SHCBP1: variants seen among roughly 807,000 people sequenced by gnomAD.
SHCBP1 encodes the protein SHC SH2 domain-binding protein 1.
In SHCBP1, 60 loss-of-function variants were observed where a neutral mutation model predicts 75.1. The observed-to-expected ratio is 0.80, with a 90% CI of 0.65 to 0.99. SHCBP1 has a LOEUF of 0.99. SHCBP1 is among the 50% of genes least tolerant of loss of function. The probability of loss-of-function intolerance (pLI) is 0.00; values close to 1 mark genes in which losing one functional copy is unlikely to be tolerated. For missense variants in SHCBP1, 709 were observed against 809.4 expected (o/e 0.88, Z 1.50); for synonymous variants, 290 against 293.2 (o/e 0.99, Z 0.11).
At chr16:46,597,137 T>G (rs753812049) in intron 9 of SHCBP1, among the ~76,000 whole-genome samples, 7 of 152,192 alleles carry the variant, frequency 4.6e-5, no homozygotes, top group African/African-American at 7.2e-5. Flanking sequence ...TCACACAATT[T>G]TTTTGGTTTC....
At chr16:46,619,235 G>C (rs1965548900) in intron 1 of SHCBP1, among the ~76,000 whole-genome samples, 1 of 152,214 alleles carries the variant, frequency 6.6e-6, no homozygotes, top group Admixed American at 6.5e-5. Context: ...TTTAATAAAT[G>C]AAACAACTAC....
intron 11 of SHCBP1, 58 bp downstream of exon 11, chr16:46,583,944 TA>T: frequency 1.4e-6 from 2 of 1,417,556 alleles, no homozygotes; most frequent in Non-Finnish European, 1.9e-6. Context: ...TAATAAAGCA[TA>T]ATTTGTAGGT....
At chr16:46,620,253 AT>A in intron 1 of SHCBP1, among the ~76,000 whole-genome samples, 1 of 152,246 alleles carries the variant, frequency 6.6e-6, no homozygotes, top group African/African-American at 2.4e-5. Flanking sequence ...GTCATTGCCT[AT>A]TAATACTGTA....
chr16:46,594,093 T>C (rs1419591826), intron 10 of SHCBP1, among the ~76,000 whole-genome samples: 1 of 152,106 alleles, frequency 6.6e-6, no homozygotes, highest in Non-Finnish European at 1.5e-5. Context: ...TCACACCTTA[T>C]ACCAAAATTA....
intron 10 of SHCBP1, among the ~76,000 whole-genome samples, chr16:46,591,166 G>A (rs1315429173): frequency 6.6e-6 from 1 of 152,150 alleles, no homozygotes; most frequent in Non-Finnish European, 1.5e-5. Flanking sequence ...GGGGCCTGTT[G>A]TGGGGTGAGG....
intron 4 of SHCBP1, among the ~76,000 whole-genome samples, chr16:46,608,647 G>C (rs1965360930): frequency 6.9e-6 from 1 of 144,938 alleles, no homozygotes. Context: ...TCTGTCTCTG[G>C]GGCTGGAGTG....
intron 4 of SHCBP1, among the ~76,000 whole-genome samples, chr16:46,609,682 C>T (rs1426550495): frequency 1.3e-5 from 2 of 151,246 alleles, no homozygotes; most frequent in African/African-American, 2.4e-5. Context: ...AACTCCTGAC[C>T]TTAGGTGATC....
chr16:46,601,497 G>A (rs1010761707), intron 8 of SHCBP1, among the ~76,000 whole-genome samples: 1 of 152,046 alleles, frequency 6.6e-6, no homozygotes. Context: ...GACTAAAGAC[G>A]AATCTTTGAG....
chr16:46,603,414 A>T, intron 8 of SHCBP1, 125 bp downstream of exon 8: 1 of 1,353,940 alleles, frequency 7.4e-7, no homozygotes, highest in East Asian at 2.3e-5. Context: ...TTAATGTTTC[A>T]AGGCAGCTCA....
At chr16:46,599,728 C>G in intron 9 of SHCBP1, 103 bp downstream of exon 9, 1 of 474,640 alleles carries the variant, frequency 2.1e-6, no homozygotes, top group Non-Finnish European at 2.9e-6. Flanking sequence ...CAAGGTATGC[C>G]TGTACTCAAG....
At chr16:46,621,205 C>T (rs533716434) in intron 1 of SHCBP1, 52 bp downstream of exon 1, 481 of 1,546,648 alleles carry the variant, frequency 3.1e-4, no homozygotes, top group Middle Eastern at 2.2e-3. Flanking sequence ...GGTCCCGACG[C>T]CCCAGGCCTC....
intron 8 of SHCBP1, 102 bp downstream of exon 8, chr16:46,603,437 T>A: frequency 6.6e-7 from 1 of 1,513,598 alleles, no homozygotes; most frequent in Non-Finnish European, 9.0e-7. Flanking sequence ...AGAAATCAAA[T>A]GGGTTCAAAT....
At chr16:46,606,536 T>C (rs1391557362) in intron 5 of SHCBP1, among the ~76,000 whole-genome samples, 1 of 152,170 alleles carries the variant, frequency 6.6e-6, no homozygotes, top group South Asian at 2.1e-4. Flanking sequence ...CAGAATACAA[T>C]TTTTTTCCAA....
At chr16:46,592,316 A>G (rs1965059822) in intron 10 of SHCBP1, among the ~76,000 whole-genome samples, 1 of 152,148 alleles carries the variant, frequency 6.6e-6, no homozygotes, top group Non-Finnish European at 1.5e-5. Context: ...GAAATACTAC[A>G]AACAATTCTA....
At chr16:46,620,314 G>A (rs1178501839) in intron 1 of SHCBP1, among the ~76,000 whole-genome samples, 2 of 152,068 alleles carry the variant, frequency 1.3e-5, no homozygotes, top group Non-Finnish European at 2.9e-5. Flanking sequence ...ATGTACATCA[G>A]ATCCCCAGAA....
In SHCBP1 at chr16:46,616,632, G is replaced by C. The variant is rs935278217; in HGVS notation, c.388-478C>G. On this transcript the variant is annotated intron_variant, in intron 3 of 12. Coordinates refer to ENST00000303383, the MANE Select transcript of SHCBP1 (RefSeq NM_024745.5). The surrounding 1 kb of genome is among the most constrained non-coding windows in gnomAD (Gnocchi z 4.4). ...ATGAGGTGAGAAAGAGAGGCAACGA[G>C]ACCAGGACATGAAGGACATCTGAAG... 6.6e-6 allele frequency among the ~76,000 whole-genome samples: 1 copy of C among 152,128 alleles called. No homozygotes were observed. Among genetic ancestry groups the C allele is most frequent in the Non-Finnish European group, 1.5e-5 (1 of 68,016 alleles).
chr16:46,598,337 T>TGA (rs752786320), intron 9 of SHCBP1, among the ~76,000 whole-genome samples: 2 of 152,194 alleles, frequency 1.3e-5, no homozygotes, highest in East Asian at 1.9e-4. Context: ...AATTACTCCT[T>TGA]GATCCATGGG....
chr16:46,586,365 C>A (rs949501624), intron 10 of SHCBP1, among the ~76,000 whole-genome samples: 1 of 152,070 alleles, frequency 6.6e-6, no homozygotes, highest in Admixed American at 6.6e-5. Context: ...ATGAAAACAA[C>A]AGAGGAAAGA....
Position 46,599,917 on chromosome 16 carries a change from C to A in SHCBP1, c.1259G>T (p.Gly420Val), listed in dbSNP as rs1420142921. The change falls in exon 9 of 13, where the codon GGC (glycine) becomes GTC (valine). Residue 420 changes from glycine to valine, a missense_variant. Coordinates refer to ENST00000303383, the MANE Select transcript of SHCBP1 (RefSeq NM_024745.5). ...DDIVIEKRGK[G>V]DTFVDCTGAD... ...ACCAGTGCAGTCCACAAAAGTGTCG[C>A]CTTTGCCCCTCTTTTCTATCACAAT... 2 of 1,613,370 alleles carry A rather than the reference C, an allele frequency of 1.2e-6. No individual in the cohort carries two copies. Among genetic ancestry groups the A allele is most frequent in the Non-Finnish European group, 1.7e-6 (2 of 1,179,852 alleles).
Sources: gnomAD v4.1 joint callset for allele counts (sites outside exome capture counted in the v4.1 genomes callset) on GRCh38, gnomAD v4.1.1 for gene constraint, Gnocchi (gnomAD v3.1) non-coding constraint, MANE v1.5 for transcripts, NCBI Gene and HGNC (gene_info 2026-07-23, HGNC 2026-07-21) for gene names.